Variants in TPRG1 observed in about 807,000 individuals in gnomAD.
The protein encoded by TPRG1 is tumor protein p63-regulated gene 1 protein.
A neutral mutation model predicts 29.3 loss-of-function variants in TPRG1; 29 were observed. The ratio of observed to expected loss-of-function variants is 0.99; its 90% CI spans 0.74 to 1.35. The LOEUF is 1.35. Among genes scored for constraint, TPRG1 ranks in the 40% most tolerant of loss-of-function variants. The probability of loss-of-function intolerance (pLI) is 0.00; values close to 1 mark genes in which losing one functional copy is unlikely to be tolerated. For synonymous variants in TPRG1, 130 were observed against 116.8 expected (o/e 1.11, Z -0.73); for missense variants, 327 against 335.0 (o/e 0.98, Z 0.19).
chr3:189,028,595 T>C (rs943566970), intron 4 of TPRG1, among the ~76,000 whole-genome samples: 1 of 152,212 alleles, frequency 6.6e-6, no homozygotes, highest in African/African-American at 2.4e-5. Context: ...GTTCCCCCTT[T>C]AGCAGTTTTT....
chr3:189,312,081 G>C lies in TPRG1; in HGVS notation c.633+1542G>C, dbSNP rs201754941. 1.4e-3 allele frequency among the ~76,000 whole-genome samples: 167 copies of C among 119,968 alleles called. 8 individuals carry two copies. The highest frequency in any genetic ancestry group is 5.5e-3 in the African/African-American group (142 of 25,702). The allele number at this position is 119,968 out of a possible 152,430, so 78.7% of individuals were successfully genotyped here. ...TTGTTAACAATGCAGAACACTTTAT[G>C]TTTCTTTCTTTCTTTGTTTCTTTGT... On this transcript the variant is annotated intron_variant, in intron 5 of 5. Coordinates refer to ENST00000345063, the MANE Select transcript of TPRG1 (RefSeq NM_198485.4).
chr3:189,304,559 T>C (rs1012565417), intron 4 of TPRG1, among the ~76,000 whole-genome samples: 2 of 152,160 alleles, frequency 1.3e-5, no homozygotes, highest in Non-Finnish European at 2.9e-5. Flanking sequence ...CACCTGCCGA[T>C]GGGTTTGGAA....
At chr3:189,015,230 C>T (rs913638403) in intron 3 of TPRG1, among the ~76,000 whole-genome samples, 2 of 152,210 alleles carry the variant, frequency 1.3e-5, no homozygotes, top group Non-Finnish European at 2.9e-5. Flanking sequence ...ATCTGTGGAA[C>T]TTTGAACCTG....
intron 4 of TPRG1, among the ~76,000 whole-genome samples, chr3:189,150,310 G>T (rs1159145966): frequency 6.6e-6 from 1 of 152,198 alleles, no homozygotes; most frequent in Non-Finnish European, 1.5e-5. Context: ...AGCTTCCTGA[G>T]TAGCTGGGAT....
chr3:189,081,608 C>A (rs1436741575), intron 4 of TPRG1, among the ~76,000 whole-genome samples: 1 of 152,154 alleles, frequency 6.6e-6, no homozygotes, highest in East Asian at 1.9e-4. Context: ...CAAGAAAACA[C>A]CTTACATGGT....
rs1553931531 is a variant in TPRG1, at chr3:189,250,506, C to CCCCA, written c.479+11600_479+11601insACCC. Among the ~76,000 whole-genome samples, 51 of 63,608 alleles carry CCCCA rather than the reference C, an allele frequency of 8.0e-4. 2 individuals carry two copies. Among genetic ancestry groups the CCCCA allele is most frequent in the Middle Eastern group, 7.8e-3 (1 of 128 alleles). The allele number at this position is 63,608 out of a possible 152,430, so 41.7% of individuals were successfully genotyped here. On this transcript the variant is annotated intron_variant, in intron 4 of 5. Coordinates refer to ENST00000345063, the MANE Select transcript of TPRG1 (RefSeq NM_198485.4). ...GGTGTTAACAAGTTCTGATTTCCGCCCCCCCCCCCCCACCCAGATTAAAGC... is the reference window on the plus strand; with the variant it reads ...GGTGTTAACAAGTTCTGATTTCCGCCCCCACCCCCCCCCCCACCCAGATTAAAGC...
At chr3:189,215,805 A>G (rs1735981003) in intron 3 of TPRG1, among the ~76,000 whole-genome samples, 1 of 152,202 alleles carries the variant, frequency 6.6e-6, no homozygotes, top group South Asian at 2.1e-4. Context: ...TATACTTTGA[A>G]TTTGATCTTA....
At chr3:189,141,269 T>C (rs1196073186) in intron 3 of TPRG1, among the ~76,000 whole-genome samples, 8 of 152,232 alleles carry the variant, frequency 5.3e-5, no homozygotes, top group African/African-American at 1.9e-4. Context: ...GACGGTGCAC[T>C]GTATCTCACC....
chr3:189,188,915 T>C (rs1208519758), intron 1 of TPRG1, among the ~76,000 whole-genome samples: 1 of 152,242 alleles, frequency 6.6e-6, no homozygotes, highest in Non-Finnish European at 1.5e-5. Flanking sequence ...TGGGCATTAA[T>C]TTTCATCTTC....
At chr3:189,227,992 G>T (rs1016641196) in intron 3 of TPRG1, among the ~76,000 whole-genome samples, 1 of 152,026 alleles carries the variant, frequency 6.6e-6, no homozygotes, top group African/African-American at 2.4e-5. Flanking sequence ...GTGGTGGCGG[G>T]CGCCTGTAGT....
intron 4 of TPRG1, among the ~76,000 whole-genome samples, chr3:189,073,009 A>C (rs1364534885): frequency 1.3e-5 from 2 of 152,302 alleles, no homozygotes; most frequent in African/African-American, 4.8e-5. Context: ...TGATGATCTT[A>C]TCTTGTGCTT....
chr3:189,319,081 C>T (rs1249734178), intron 5 of TPRG1, among the ~76,000 whole-genome samples: 1 of 152,100 alleles, frequency 6.6e-6, no homozygotes, highest in Non-Finnish European at 1.5e-5. Flanking sequence ...CTACATTGCC[C>T]ACAATGCCTA....
At chr3:189,191,069 C>A in intron 1 of TPRG1, 4 of 661,860 alleles carry the variant, frequency 6.0e-6, no homozygotes, top group African/African-American at 2.0e-5. Flanking sequence ...TGTAGCAGTT[C>A]ACACGTAAAT....
intron 4 of TPRG1, among the ~76,000 whole-genome samples, chr3:189,070,502 T>G (rs1427772229): frequency 1.3e-5 from 2 of 152,222 alleles, no homozygotes; most frequent in Non-Finnish European, 2.9e-5. Context: ...ATATCCTGAT[T>G]GTGCTATGAT....
upstream of TPRG1, among the ~76,000 whole-genome samples, chr3:189,168,488 A>G (rs1375019014): frequency 6.6e-6 from 1 of 152,208 alleles, no homozygotes; most frequent in African/African-American, 2.4e-5. Flanking sequence ...CAAAGTAGGT[A>G]TCTTTTGAGT....
chr3:189,206,312 ATATTT>A lies in TPRG1; in HGVS notation c.-9-1058_-9-1054del, dbSNP rs1162909728. Among the ~76,000 whole-genome samples, 7 of 152,006 alleles carry A rather than the reference ATATTT, an allele frequency of 4.6e-5. No homozygotes were observed. The East Asian group carries it at 5.8e-4, about 13-fold the overall frequency. Reference sequence around the variant, plus strand: ...GATAACATTGTATTTACAGTGCAACATATTTTATTTAGTCAACTTCTTACTGATGG... The same window carrying A: ...GATAACATTGTATTTACAGTGCAACATATTTAGTCAACTTCTTACTGATGG... On this transcript the variant is annotated intron_variant, in intron 1 of 5. Transcript: ENST00000345063.
At chr3:189,199,633 G>T (rs1733130391) in intron 1 of TPRG1, among the ~76,000 whole-genome samples, 2 of 152,294 alleles carry the variant, frequency 1.3e-5, no homozygotes, top group South Asian at 4.1e-4. Context: ...GAGGTCAGGA[G>T]TTCGAGACCA....
intron 3 of TPRG1, among the ~76,000 whole-genome samples, chr3:189,020,338 G>A (rs368696784): frequency 6.6e-6 from 1 of 151,216 alleles, no homozygotes; most frequent in African/African-American, 2.4e-5. Flanking sequence ...TGTCAATTTT[G>A]GATCTTTCCT....
rs147924313 is a variant in TPRG1, at chr3:189,229,872, C to G, written c.303-8861C>G. The stretch of plus-strand genomic sequence containing the variant: ...GTCCCCTCTACCATACAAGCTGTAA[C>G]GAACATACTACAGTAGGCAGATCTC... On this transcript the variant is annotated intron_variant, in intron 3 of 5. Transcript: ENST00000345063. Among the ~76,000 whole-genome samples the G allele has an allele frequency of 3.3e-5, 5 of 152,282 alleles. No homozygotes were observed. In the East Asian group the frequency reaches 9.6e-4, roughly 29 times the overall value.
Sources: allele counts gnomAD v4.1 joint callset (sites outside exome capture counted in the v4.1 genomes callset), GRCh38; gene constraint gnomAD v4.1.1; transcripts MANE v1.5; gene names NCBI Gene and HGNC (gene_info 2026-07-23, HGNC 2026-07-21).